CFHR3: variants seen among roughly 807,000 people sequenced by gnomAD.
CFHR3 encodes the protein complement factor H related 3, also known as complement factor H-related protein 3.
CFHR3 carries 22 observed loss-of-function variants against 36.0 expected under a neutral mutation model. That is an observed-to-expected ratio of 0.61 (90% CI 0.44 to 0.87). The LOEUF (loss-of-function observed/expected upper bound fraction) is 0.87. Ranked by LOEUF, CFHR3 falls within the 40% of genes least tolerant of loss-of-function variation. The pLI is 0.00. For synonymous variants in CFHR3, 97 were observed against 137.4 expected (o/e 0.71, Z 2.06); for missense variants, 276 against 401.3 (o/e 0.69, Z 2.67).
intron 4 of CFHR3, chr1:196,789,732 G>A: frequency 7.0e-7 from 1 of 1,430,304 alleles, no homozygotes; most frequent in Non-Finnish European, 9.2e-7. Flanking sequence ...GGTGAAGATG[G>A]GTAGTCCCAT....
In CFHR3 at chr1:196,784,057, T is replaced by C. The variant is rs1385612978; in HGVS notation, c.430+4084T>C. ...CTTTATTTCTGCCTTCATTTCTTTA[T>C]GTACCCAGTAGTCATTCAGGAGCAG... is the stretch of plus-strand genomic sequence containing the variant. On this transcript the variant is annotated intron_variant, in intron 3 of 5. Coordinates refer to ENST00000367425, the MANE Select transcript of CFHR3 (RefSeq NM_021023.6). Among the ~76,000 whole-genome samples the C allele has an allele frequency of 1.5e-5, 2 of 137,100 alleles. 1 individual carries two copies. Among genetic ancestry groups the C allele is most frequent in the African/African-American group, 6.1e-5 (2 of 32,712 alleles). 89.9% of individuals were successfully genotyped at this position (137,100 alleles called of 152,430 possible). A position where few individuals can be genotyped will look rare whatever the true frequency, so the allele number is the denominator to read the frequency against.
Position 196,781,046 on chromosome 1 carries a change from G to A in CFHR3, c.430+1073G>A, listed in dbSNP as rs989506216. Among the ~76,000 whole-genome samples, 4 of 122,366 alleles carry A rather than the reference G, an allele frequency of 3.3e-5. 1 individual carries two copies. The highest frequency in any genetic ancestry group is 3.1e-4 in the South Asian group (1 of 3,214). The allele number at this position is 122,366 out of a possible 152,430, so 80.3% of individuals were successfully genotyped here. A position where few individuals can be genotyped will look rare whatever the true frequency, so the allele number is the denominator to read the frequency against. The stretch of plus-strand genomic sequence containing the variant: ...AGTTCCCACCTATGAGTGAGAACAC[G>A]TGGTGTTTGGTGTTTTGTCCTTGTG... On this transcript the variant is annotated intron_variant, in intron 3 of 5. Coordinates refer to ENST00000367425, the MANE Select transcript of CFHR3 (RefSeq NM_021023.6).
intron 3 of CFHR3, among the ~76,000 whole-genome samples, chr1:196,786,304 G>C (rs568525906): frequency 4.4e-5 from 6 of 135,202 alleles, no homozygotes; most frequent in African/African-American, 1.9e-4. Context: ...CTCCAGCTGC[G>C]TGCTGGGAGA....
chr1:196,793,321 A>G lies in CFHR3; in HGVS notation c.801A>G (p.Pro267=). The change falls in exon 6 of 6, where the codon CCA becomes CCG. Residue 267 remains proline (P), a synonymous_variant. Coordinates refer to ENST00000367425, the MANE Select transcript of CFHR3 (RefSeq NM_021023.6). ...EWSEPPRCIH[P]CIITEENMNK... Reference sequence around the variant, plus strand: ...ATTGTTTTTTTCTGCTTTCAGATCCATGTATAATAACTGAAGAAAACATGA... The same window carrying G: ...ATTGTTTTTTTCTGCTTTCAGATCCGTGTATAATAACTGAAGAAAACATGA... The G allele has an allele frequency of 1.3e-6, 2 of 1,509,734 alleles. 1 individual carries two copies. The highest frequency in any genetic ancestry group is 2.5e-5 in the South Asian group (2 of 79,604). The allele number at this position is 1,509,734 out of a possible 1,614,324, so 93.5% of individuals were successfully genotyped here.
At chr1:196,789,678 G>A (rs1167166129) in intron 4 of CFHR3, 10 of 1,466,756 alleles carry the variant, frequency 6.8e-6, no homozygotes, top group Non-Finnish European at 9.1e-6. Flanking sequence ...TGCTACGATG[G>A]ATATGAAATC....
At position 196,793,019 on chromosome 1, in the gene CFHR3, G is replaced by T. The variant is rs1432215662; in HGVS notation, c.797-298G>T. On this transcript the variant is annotated intron_variant, in intron 5 of 5. Transcript: ENST00000367425. ...ATGTTAGCATAATCCTTTTTGATAT[G>T]AAGTCACTAGGGTGGACACAACATA... Among the ~76,000 whole-genome samples, 19 of 135,148 alleles carry T rather than the reference G, an allele frequency of 1.4e-4. 5 individuals carry two copies. The highest frequency in any genetic ancestry group is 2.2e-4 in the Non-Finnish European group (14 of 64,132). 88.7% of individuals were successfully genotyped at this position (135,148 alleles called of 152,430 possible). A position where few individuals can be genotyped will look rare whatever the true frequency, so the allele number is the denominator to read the frequency against.
chr1:196,781,429 G>T (rs1653943756), intron 3 of CFHR3, among the ~76,000 whole-genome samples: 1 of 134,776 alleles, frequency 7.4e-6, no homozygotes. Context: ...TGGTGTAAAA[G>T]TGTTCCTATT....
chr1:196,789,511 A>C, intron 4 of CFHR3: 1 of 969,114 alleles, frequency 1.0e-6, no homozygotes, highest in Non-Finnish European at 1.3e-6. Flanking sequence ...ATGCTTCATA[A>C]ATTTTATAGA....
At position 196,788,520 on chromosome 1, in the gene CFHR3, A is replaced by C. The variant is rs576457161; in HGVS notation, c.613+122A>C. On this transcript the variant is annotated intron_variant, in intron 4 of 5. Transcript: ENST00000367425. ...GAGTAAAGAGATACAAATACTTCTA[A>C]AACCATTCAACATTCTGTGCCAAAT... The C allele has an allele frequency of 2.6e-5, 35 of 1,364,188 alleles. 5 individuals carry two copies. In the Admixed American group the frequency reaches 3.7e-4, roughly 15 times the overall value. 84.5% of individuals were successfully genotyped at this position (1,364,188 alleles called of 1,614,324 possible). A position where few individuals can be genotyped will look rare whatever the true frequency, so the allele number is the denominator to read the frequency against.
intron 1 of CFHR3, among the ~76,000 whole-genome samples, chr1:196,778,812 T>G (rs1653833011): frequency 7.3e-6 from 1 of 137,056 alleles, no homozygotes; most frequent in Admixed American, 7.1e-5. Context: ...GGTATAGTTC[T>G]AGATAAGCTC....
In CFHR3 at chr1:196,794,272, G is replaced by C. The variant is rs1654519541; in HGVS notation, c.*759G>C. Among the ~76,000 whole-genome samples the C allele has an allele frequency of 7.3e-6, 1 of 136,452 alleles. No homozygotes were observed. Among genetic ancestry groups the C allele is most frequent in the African/African-American group, 3.1e-5 (1 of 32,474 alleles). 89.5% of individuals were successfully genotyped at this position (136,452 alleles called of 152,430 possible). On this transcript the variant is annotated 3_prime_UTR_variant, in exon 6 of 6. Coordinates refer to ENST00000367425, the MANE Select transcript of CFHR3 (RefSeq NM_021023.6). ...GAGGTCAAAAGTTCAAGACCAGCCT[G>C]TTCAACACGGTGAAACCCTGTCTCT...
chr1:196,793,654 A>C lies in CFHR3; in HGVS notation c.*141A>C. On this transcript the variant is annotated 3_prime_UTR_variant, in exon 6 of 6. Coordinates refer to ENST00000367425, the MANE Select transcript of CFHR3 (RefSeq NM_021023.6). ...AAAGAAAATTAATATAATAGTTTCA[A>C]TTTGCAACTTAATATATTCTCAAAA... is the stretch of plus-strand genomic sequence containing the variant. The C allele has an allele frequency of 1.3e-6, 1 of 797,148 alleles. No homozygotes were observed. Among genetic ancestry groups the C allele is most frequent in the South Asian group, 2.1e-5 (1 of 48,288 alleles). The allele number at this position is 797,148 out of a possible 1,614,324, so 49.4% of individuals were successfully genotyped here. A position where few individuals can be genotyped will look rare whatever the true frequency, so the allele number is the denominator to read the frequency against.
intron 3 of CFHR3, among the ~76,000 whole-genome samples, chr1:196,780,507 T>G (rs1558197448): frequency 7.3e-6 from 1 of 137,264 alleles, no homozygotes; most frequent in Non-Finnish European, 1.5e-5. Context: ...TTTCTTTTAC[T>G]ACCAGCTGGA....
rs1654096988 is a variant in CFHR3, at chr1:196,784,336, G to C, written c.431-3880G>C. Among the ~76,000 whole-genome samples, 3 of 136,140 alleles carry C rather than the reference G, an allele frequency of 2.2e-5. 1 individual carries two copies. In the South Asian group the frequency reaches 7.8e-4, roughly 36 times the overall value. 89.3% of individuals were successfully genotyped at this position (136,140 alleles called of 152,430 possible). A position where few individuals can be genotyped will look rare whatever the true frequency, so the allele number is the denominator to read the frequency against. Reference sequence around the variant, plus strand: ...TATTAGGTCCGCTTGGTGCAGAGCTGAGTTCAATTCCTGGGTATCCTTGTT... The same window carrying C: ...TATTAGGTCCGCTTGGTGCAGAGCTCAGTTCAATTCCTGGGTATCCTTGTT... On this transcript the variant is annotated intron_variant, in intron 3 of 5. Transcript: ENST00000367425.
chr1:196,786,859 C>T (rs570705881), intron 3 of CFHR3, among the ~76,000 whole-genome samples: 1 of 137,514 alleles, frequency 7.3e-6, no homozygotes, highest in East Asian at 2.0e-4. Flanking sequence ...GAACCCAGAA[C>T]CTCAGATGGA....
At chr1:196,787,030 T>C (rs1206577310) in intron 3 of CFHR3, among the ~76,000 whole-genome samples, 1 of 137,960 alleles carries the variant, frequency 7.2e-6, no homozygotes, top group Non-Finnish European at 1.5e-5. Context: ...TGACTTTTAC[T>C]TTTTAAGTAA....
At chr1:196,781,964 T>G (rs978941068) in intron 3 of CFHR3, among the ~76,000 whole-genome samples, 4 of 137,362 alleles carry the variant, frequency 2.9e-5, no homozygotes, top group Admixed American at 2.8e-4. Flanking sequence ...TAATCCATCT[T>G]GAATTAATTT....
At chr1:196,783,164 T>C (rs1309664865) in intron 3 of CFHR3, among the ~76,000 whole-genome samples, 5 of 136,464 alleles carry the variant, frequency 3.7e-5, no homozygotes, top group Non-Finnish European at 7.7e-5. Flanking sequence ...CACTTGATCA[T>C]GGTGGATAAG....
rs1264619599 is a variant in CFHR3, at chr1:196,794,826, T to C, written c.*1313T>C. 1.2e-5 allele frequency: 3 copies of C among 243,098 alleles called. 1 individual carries two copies. The highest frequency in any genetic ancestry group is 1.1e-4 in the Admixed American group (2 of 18,152). 15.1% of individuals were successfully genotyped at this position (243,098 alleles called of 1,614,324 possible). ...AAACAATGTTCCCTTTCCCAACACT[T>C]TTCCTGATTATAGAGAAAAAAGCAT... On this transcript the variant is annotated 3_prime_UTR_variant, in exon 6 of 6. Coordinates refer to ENST00000367425, the MANE Select transcript of CFHR3 (RefSeq NM_021023.6).
Sources: gnomAD v4.1 joint callset for allele counts (sites outside exome capture counted in the v4.1 genomes callset) on GRCh38, gnomAD v4.1.1 for gene constraint, MANE v1.5 for transcripts, NCBI Gene and HGNC (gene_info 2026-07-23, HGNC 2026-07-21) for gene names.